GRXCR1: variants seen among roughly 807,000 people sequenced by gnomAD.
GRXCR1 encodes the protein glutaredoxin domain-containing cysteine-rich protein 1.
Under a neutral mutation model 27.3 loss-of-function variants are expected in GRXCR1, and 27 were observed. That is an observed-to-expected ratio of 0.99 (90% CI 0.73 to 1.37). The LOEUF is 1.37. Ranked by LOEUF, GRXCR1 falls within the 40% of genes most tolerant of loss-of-function variation. The pLI, the probability that GRXCR1 is intolerant of heterozygous loss-of-function variation, is 0.00. For synonymous variants in GRXCR1, 122 were observed against 131.1 expected, an observed-to-expected ratio of 0.93 and a Z score of 0.47; for missense variants, 379 against 354.4, an observed-to-expected ratio of 1.07 and a Z score of -0.56.
chr4:42,929,420 G>A (rs931181362), intron 1 of GRXCR1, among the ~76,000 whole-genome samples: 2 of 151,976 alleles, frequency 1.3e-5, no homozygotes, highest in African/African-American at 4.8e-5. Flanking sequence ...AAGATGTCAT[G>A]GAGGCTTCTC....
At chr4:42,902,886 T>C (rs1433634073) in intron 1 of GRXCR1, among the ~76,000 whole-genome samples, 1 of 152,194 alleles carries the variant, frequency 6.6e-6, no homozygotes, top group Non-Finnish European at 1.5e-5. Flanking sequence ...ACATTATTCT[T>C]GTAGTGCCAG....
At chr4:42,917,014 G>A (rs1746901201) in intron 1 of GRXCR1, among the ~76,000 whole-genome samples, 1 of 152,106 alleles carries the variant, frequency 6.6e-6, no homozygotes, top group Non-Finnish European at 1.5e-5. Context: ...CCATAAAAAT[G>A]TGTGATTGCT....
chr4:42,984,890 G>T (rs915344098), intron 2 of GRXCR1, among the ~76,000 whole-genome samples: 1 of 152,280 alleles, frequency 6.6e-6, no homozygotes, highest in African/African-American at 2.4e-5. Flanking sequence ...AAGTGGGTCT[G>T]GAGGCTCAGT....
intron 2 of GRXCR1, among the ~76,000 whole-genome samples, chr4:42,981,759 C>G (rs1318333121): frequency 6.6e-6 from 1 of 152,146 alleles, no homozygotes; most frequent in Non-Finnish European, 1.5e-5. Context: ...CATCCCCACT[C>G]TCTCCTTGTC....
At chr4:42,926,454 T>C (rs1747159902) in intron 1 of GRXCR1, among the ~76,000 whole-genome samples, 1 of 151,910 alleles carries the variant, frequency 6.6e-6, no homozygotes, top group Non-Finnish European at 1.5e-5. Flanking sequence ...TCACCCAACT[T>C]ATATTTTTAA....
chr4:43,026,850 C>T (rs1713272579), intron 3 of GRXCR1, among the ~76,000 whole-genome samples: 1 of 152,170 alleles, frequency 6.6e-6, no homozygotes, highest in South Asian at 2.1e-4. Context: ...AGATATAAGC[C>T]ATCCCTTTCC....
intron 1 of GRXCR1, among the ~76,000 whole-genome samples, chr4:42,949,209 C>CA (rs1180461913): frequency 6.1e-4 from 91 of 149,192 alleles, no homozygotes; most frequent in African/African-American, 1.7e-3. Flanking sequence ...CACACACACA[C>CA]AAAAAAAAAG....
chr4:42,915,076 A>G (rs1746855478), intron 1 of GRXCR1, among the ~76,000 whole-genome samples: 1 of 152,166 alleles, frequency 6.6e-6, no homozygotes, highest in South Asian at 2.1e-4. Flanking sequence ...TCATAGCAGC[A>G]TGAGAATGAA....
intron 1 of GRXCR1, among the ~76,000 whole-genome samples, chr4:42,905,441 T>C (rs1023869684): frequency 6.6e-6 from 1 of 152,236 alleles, no homozygotes; most frequent in Non-Finnish European, 1.5e-5. Context: ...GAATGCCTTC[T>C]GCTATGAGCC....
At chr4:43,005,523 G>A (rs1002000483) in intron 2 of GRXCR1, among the ~76,000 whole-genome samples, 2 of 152,146 alleles carry the variant, frequency 1.3e-5, no homozygotes, top group African/African-American at 4.8e-5. Context: ...GACAATGAGA[G>A]TAATGCTGTA....
At chr4:42,937,210 A>G (rs1452384170) in intron 1 of GRXCR1, among the ~76,000 whole-genome samples, 2 of 151,816 alleles carry the variant, frequency 1.3e-5, no homozygotes, top group African/African-American at 2.4e-5. Flanking sequence ...TTGTTGCTCA[A>G]ATTGTTCCAG....
intron 2 of GRXCR1, among the ~76,000 whole-genome samples, chr4:42,991,903 A>G (rs1711987653): frequency 6.6e-6 from 1 of 152,150 alleles, no homozygotes; most frequent in South Asian, 2.1e-4. Flanking sequence ...TTCTACAAGA[A>G]CAAGTGTTGT....
chr4:42,915,985 A>G (rs948915649), intron 1 of GRXCR1, among the ~76,000 whole-genome samples: 1 of 151,926 alleles, frequency 6.6e-6, no homozygotes, highest in African/African-American at 2.4e-5. Context: ...TGGAAAAATG[A>G]CTTTGAACAG....
At chr4:42,984,447 C>G (rs554922587) in intron 2 of GRXCR1, among the ~76,000 whole-genome samples, 1 of 152,282 alleles carries the variant, frequency 6.6e-6, no homozygotes, top group Admixed American at 6.5e-5. Flanking sequence ...TCATGTTTTT[C>G]TGACTGTTCT....
intron 1 of GRXCR1, among the ~76,000 whole-genome samples, chr4:42,926,152 G>A (rs1747152998): frequency 6.6e-6 from 1 of 152,020 alleles, no homozygotes; most frequent in African/African-American, 2.4e-5. Context: ...GCACTATGTT[G>A]TAGGATTTCA....
intron 3 of GRXCR1, among the ~76,000 whole-genome samples, chr4:43,022,577 G>GC (rs2109808297): frequency 6.6e-6 from 1 of 152,296 alleles, no homozygotes; most frequent in East Asian, 1.9e-4. Flanking sequence ...ACTCTGCGGT[G>GC]CCATCACTAT....
chr4:42,927,161 T>C (rs994520266), intron 1 of GRXCR1, among the ~76,000 whole-genome samples: 57 of 151,992 alleles, frequency 3.8e-4, no homozygotes, highest in African/African-American at 1.4e-3. Flanking sequence ...GATGGCCTAG[T>C]TTAGTTTCCA....
In GRXCR1 at chr4:43,006,848, C is replaced by A. The variant is rs549425878; in HGVS notation, c.628-13506C>A. ...TTGTGGCTTGTGGGGCATCACGGAACGTACTGACATGTGATGTCTCCCCCG... is the reference window on the plus strand; with the variant it reads ...TTGTGGCTTGTGGGGCATCACGGAAAGTACTGACATGTGATGTCTCCCCCG... On this transcript the variant is annotated intron_variant, in intron 2 of 3. Transcript: ENST00000399770. Among the ~76,000 whole-genome samples the A allele has an allele frequency of 3.3e-5, 5 of 152,232 alleles. No homozygotes were observed. The South Asian group carries it at 1.0e-3, about 32-fold the overall frequency.
At chr4:43,010,302 C>T (rs1190425778) in intron 2 of GRXCR1, among the ~76,000 whole-genome samples, 3 of 151,560 alleles carry the variant, frequency 2.0e-5, no homozygotes, top group Non-Finnish European at 4.4e-5. Flanking sequence ...ACTCGGGAGG[C>T]TGAGGCAGGA....
Sources: allele counts gnomAD v4.1 joint callset (sites outside exome capture counted in the v4.1 genomes callset), GRCh38; gene constraint gnomAD v4.1.1; transcripts MANE v1.5; gene names NCBI Gene and HGNC (gene_info 2026-07-23, HGNC 2026-07-21).